The following MAGI2 variants were observed in gnomAD, a reference collection of about 807,000 sequenced individuals.
MAGI2 encodes the protein membrane-associated guanylate kinase, WW and PDZ domain-containing protein 2.
Under a neutral mutation model 133.3 loss-of-function variants are expected in MAGI2, and 35 were observed. The ratio of observed to expected loss-of-function variants is 0.26; its 90% CI spans 0.20 to 0.35. The LOEUF is 0.35. Ranked by LOEUF, MAGI2 falls within the 10% of genes least tolerant of loss-of-function variation. The pLI is 1.00. For synonymous variants in MAGI2, 729 were observed against 710.6 expected, an observed-to-expected ratio of 1.03 and a Z score of -0.41; for missense variants, 1,636 against 1,863.4, an observed-to-expected ratio of 0.88 and a Z score of 2.25.
intron 6 of MAGI2, among the ~76,000 whole-genome samples, chr7:78,478,351 T>C (rs1330701725): frequency 1.3e-5 from 2 of 151,920 alleles, no homozygotes; most frequent in African/African-American, 4.8e-5. Context: ...AGTTTAAGCG[T>C]CTTGTGGTAT....
chr7:79,170,338 A>G (rs887963996), intron 1 of MAGI2, among the ~76,000 whole-genome samples: 7 of 151,112 alleles, frequency 4.6e-5, no homozygotes, highest in African/African-American at 1.5e-4. Flanking sequence ...ATTCCTGGCT[A>G]ATGTTTTAAA....
At chr7:79,072,536 T>C (rs1190871180) in intron 1 of MAGI2, among the ~76,000 whole-genome samples, 1 of 152,154 alleles carries the variant, frequency 6.6e-6, no homozygotes, top group Non-Finnish European at 1.5e-5. Flanking sequence ...GTGGTTGATG[T>C]ATGAGAAAGG....
intron 2 of MAGI2, among the ~76,000 whole-genome samples, chr7:78,954,686 C>T (rs1802147075): frequency 6.6e-6 from 1 of 152,162 alleles, no homozygotes; most frequent in South Asian, 2.1e-4. Flanking sequence ...TTTTTCCCTG[C>T]ATACTGCATA....
chr7:79,405,602 G>A (rs548966206), intron 1 of MAGI2, among the ~76,000 whole-genome samples: 1 of 152,196 alleles, frequency 6.6e-6, no homozygotes, highest in South Asian at 2.1e-4. Flanking sequence ...GTGCTAGTAT[G>A]TTTCTTGTTA....
At chr7:78,353,368 A>G (rs1292554044) in intron 7 of MAGI2, among the ~76,000 whole-genome samples, 1 of 152,214 alleles carries the variant, frequency 6.6e-6, no homozygotes, top group Non-Finnish European at 1.5e-5. Flanking sequence ...TGAACATGAC[A>G]AAATCCTTTC....
intron 2 of MAGI2, among the ~76,000 whole-genome samples, chr7:78,805,911 T>C (rs1788537587): frequency 6.6e-6 from 1 of 152,124 alleles, no homozygotes; most frequent in Non-Finnish European, 1.5e-5. Context: ...CTGGCAAACA[T>C]CTTCCCTACA....
chr7:78,739,134 T>C (rs569894741), intron 2 of MAGI2, among the ~76,000 whole-genome samples: 2 of 152,300 alleles, frequency 1.3e-5, no homozygotes, highest in South Asian at 4.1e-4. Context: ...GAATGCTTTT[T>C]TCCCCCTCAG....
chr7:78,195,663 C>T (rs1415753269), intron 11 of MAGI2, among the ~76,000 whole-genome samples: 1 of 152,202 alleles, frequency 6.6e-6, no homozygotes, highest in Admixed American at 6.5e-5. Context: ...GTTCCTCCCC[C>T]AGAATGCTGC....
At chr7:78,120,285 C>A (rs1820303793) in intron 20 of MAGI2, among the ~76,000 whole-genome samples, 1 of 152,056 alleles carries the variant, frequency 6.6e-6, no homozygotes, top group Admixed American at 6.6e-5. Flanking sequence ...TGCCTGTAGT[C>A]CCAGCTACTC....
chr7:78,863,580 C>A (rs1794324480), intron 2 of MAGI2, among the ~76,000 whole-genome samples: 1 of 152,198 alleles, frequency 6.6e-6, no homozygotes, highest in Non-Finnish European at 1.5e-5. Context: ...CCATTAGGCC[C>A]CACCTTGTGC....
intron 1 of MAGI2, among the ~76,000 whole-genome samples, chr7:79,241,807 C>T (rs1264146262): frequency 6.6e-6 from 1 of 152,198 alleles, no homozygotes; most frequent in East Asian, 1.9e-4. Flanking sequence ...AGATGTGTTT[C>T]AAACCTTTGC....
In MAGI2 at chr7:78,256,594, AAG is replaced by A. The variant is rs1793004258; in HGVS notation, c.1409-15_1409-14del. On this transcript the variant is annotated splice_polypyrimidine_tract_variant and intron_variant, in intron 9 of 21. Transcript: ENST00000354212. ...ACAATGACATCACCTGTAAGAAAAA[AAG>A]AGATTGACAACATGAGGTAAGTTCA... 6.2e-7 allele frequency: 1 copy of A among 1,602,882 alleles called. No homozygotes were observed. Among genetic ancestry groups the A allele is most frequent in the Non-Finnish European group, 8.5e-7 (1 of 1,175,938 alleles).
intron 1 of MAGI2, among the ~76,000 whole-genome samples, chr7:79,380,443 A>G (rs1392776397): frequency 6.6e-6 from 1 of 151,778 alleles, no homozygotes; most frequent in Non-Finnish European, 1.5e-5. Context: ...CAGCAAAAGG[A>G]CGATGCACAT....
At chr7:78,802,415 T>C (rs557257488) in intron 2 of MAGI2, among the ~76,000 whole-genome samples, 18 of 152,332 alleles carry the variant, frequency 1.2e-4, no homozygotes, top group African/African-American at 4.3e-4. Context: ...AAGCCATGTA[T>C]CTGGCTTTTT....
intron 2 of MAGI2, among the ~76,000 whole-genome samples, chr7:78,637,830 G>T (rs1809842232): frequency 6.6e-6 from 1 of 152,180 alleles, no homozygotes; most frequent in African/African-American, 2.4e-5. Flanking sequence ...GCCAGGTGTG[G>T]TGCCTCACAT....
At chr7:78,064,598 T>G (rs1040927700) in intron 21 of MAGI2, among the ~76,000 whole-genome samples, 2 of 152,132 alleles carry the variant, frequency 1.3e-5, no homozygotes, top group Non-Finnish European at 2.9e-5. Context: ...GTGAATGGGA[T>G]AGAATCAAAC....
chr7:78,286,995 C>G (rs1181123107), intron 9 of MAGI2, among the ~76,000 whole-genome samples: 1 of 152,078 alleles, frequency 6.6e-6, no homozygotes, highest in Admixed American at 6.6e-5. Context: ...TAAGTTGGGA[C>G]TTTATAGTGG....
chr7:79,146,351 T>C (rs554140679), intron 1 of MAGI2, among the ~76,000 whole-genome samples: 1 of 152,306 alleles, frequency 6.6e-6, no homozygotes, highest in South Asian at 2.1e-4. Context: ...GTGTTGAAAT[T>C]CAGCTTTCTT....
At chr7:78,337,276 C>T (rs974256463) in intron 9 of MAGI2, among the ~76,000 whole-genome samples, 5 of 152,130 alleles carry the variant, frequency 3.3e-5, no homozygotes, top group Admixed American at 1.3e-4. Flanking sequence ...TTCTGAGAAA[C>T]CTTCTGGAAC....
Sources: allele counts gnomAD v4.1 joint callset (sites outside exome capture counted in the v4.1 genomes callset), GRCh38; gene constraint gnomAD v4.1.1; transcripts MANE v1.5; gene names NCBI Gene and HGNC (gene_info 2026-07-23, HGNC 2026-07-21).